MIB1: variants seen among roughly 807,000 people sequenced by gnomAD.
MIB1 encodes E3 ubiquitin-protein ligase MIB1.
In MIB1, 278 loss-of-function variants were observed where a neutral mutation model predicts 124.5. That is an observed-to-expected ratio of 2.23 (90% CI 2.02 to 2.47). The LOEUF is 2.47. Among genes scored for constraint, MIB1 ranks in the 30% most tolerant of loss-of-function variants. The pLI is 0.00. For missense variants in MIB1, 957 were observed against 1,254.4 expected (o/e 0.76, Z 3.58); for synonymous variants, 446 against 429.4 (o/e 1.04, Z -0.48).
At chr18:21,837,256 C>T (rs1006462564) in intron 12 of MIB1, among the ~76,000 whole-genome samples, 4 of 152,208 alleles carry the variant, frequency 2.6e-5, no homozygotes, top group Middle Eastern at 3.2e-3. Context: ...CGCCTGTAAT[C>T]CCAGCACTTT....
At chr18:21,764,243 T>A (rs975206561) in intron 1 of MIB1, among the ~76,000 whole-genome samples, 7 of 152,222 alleles carry the variant, frequency 4.6e-5, no homozygotes, top group African/African-American at 1.7e-4. Context: ...CCTCCTTCCT[T>A]CCTTGCTTCC....
At chr18:21,719,883 A>G (rs996424940) in intron 1 of MIB1, among the ~76,000 whole-genome samples, 1 of 152,146 alleles carries the variant, frequency 6.6e-6, no homozygotes, top group Non-Finnish European at 1.5e-5. Context: ...GTTGTCATTG[A>G]TAAAAGTTTC....
intron 1 of MIB1, among the ~76,000 whole-genome samples, chr18:21,707,108 G>A (rs183530491): frequency 4.3e-4 from 66 of 152,152 alleles, no homozygotes; most frequent in Non-Finnish European, 5.3e-4. Flanking sequence ...TAATCTGGTG[G>A]GGACTTGGAG....
At chr18:21,780,296 T>C (rs1384322945) in intron 6 of MIB1, among the ~76,000 whole-genome samples, 1 of 152,138 alleles carries the variant, frequency 6.6e-6, no homozygotes, top group Non-Finnish European at 1.5e-5. Context: ...TTGTTAACTA[T>C]AGTCGCCCAA....
At position 21,721,159 on chromosome 18, in the gene MIB1, GTTTTTTTTTTTTTTTTTTTT is replaced by G. The variant is rs34277676; in HGVS notation, n.167+16056_167+16075del. On this transcript the variant is annotated intron_variant and non_coding_transcript_variant, in intron 1 of 20. Coordinates refer to the MIB1 transcript ENST00000578646. ...TGAAAGATTTAAACATTTTAAAGAA[GTTTTTTTTTTTTTTTTTTTT>G]TTTTTTTTTTTTTTTTTTTGAGACA... is the stretch of plus-strand genomic sequence containing the variant. Among the ~76,000 whole-genome samples, 45 of 29,762 alleles carry G rather than the reference GTTTTTTTTTTTTTTTTTTTT, an allele frequency of 1.5e-3. 1 individual carries two copies. Among genetic ancestry groups the G allele is most frequent in the Admixed American group, 2.6e-3 (5 of 1,904 alleles). The allele number at this position is 29,762 out of a possible 152,430, so 19.5% of individuals were successfully genotyped here.
chr18:21,853,074 G>A (rs1359973305), intron 17 of MIB1, 66 bp from the exon 18 acceptor site: 1 of 1,037,796 alleles, frequency 9.6e-7, no homozygotes, highest in East Asian at 2.4e-5. Flanking sequence ...GGATATAATT[G>A]AACTTGTTAA....
intron 1 of MIB1, among the ~76,000 whole-genome samples, chr18:21,734,758 A>T (rs2040788570): frequency 6.6e-6 from 1 of 151,754 alleles, no homozygotes; most frequent in South Asian, 2.1e-4. Context: ...CGAACTCCTG[A>T]CCTCAAATGA....
intron 1 of MIB1, among the ~76,000 whole-genome samples, chr18:21,717,111 A>G (rs1417054099): frequency 6.6e-6 from 1 of 152,216 alleles, no homozygotes; most frequent in Non-Finnish European, 1.5e-5. Context: ...AAATACTTAC[A>G]GCCAACTGAT....
At chr18:21,779,011 A>G (rs1356907411) in intron 5 of MIB1, among the ~76,000 whole-genome samples, 1 of 152,176 alleles carries the variant, frequency 6.6e-6, no homozygotes, top group African/African-American at 2.4e-5. Flanking sequence ...AAGCTTTGAC[A>G]TATTTTAAAA....
chr18:21,712,406 G>A lies in MIB1; in HGVS notation n.167+7283G>A, dbSNP rs75374502. Among the ~76,000 whole-genome samples the A allele has an allele frequency of 4.2e-4, 64 of 152,220 alleles. No homozygotes were observed. The East Asian group carries it at 0.011, about 26-fold the overall frequency. ...TACGATAGAGATAGCAAAGGTAATG[G>A]GATGTCAACACTCCTGTGATTATAC... On this transcript the variant is annotated intron_variant and non_coding_transcript_variant, in intron 1 of 20. Transcript: ENST00000578646.
At chr18:21,835,833 A>ACACG (rs1247415272) in intron 12 of MIB1, among the ~76,000 whole-genome samples, 6 of 81,850 alleles carry the variant, frequency 7.3e-5, no homozygotes, top group African/African-American at 2.7e-4. Flanking sequence ...ACACACACAC[A>ACACG]CACACAAACA....
intron 1 of MIB1, among the ~76,000 whole-genome samples, chr18:21,708,022 C>G (rs2040647743): frequency 6.6e-6 from 1 of 152,164 alleles, no homozygotes; most frequent in South Asian, 2.1e-4. Flanking sequence ...GGCACCAATT[C>G]CATCATAGGG....
rs1332950872 is a variant in MIB1 at position 21,844,243 on chromosome 18, CCAAA to C, written c.2202_2205del (p.Lys735ThrfsTer3). 1.2e-6 allele frequency: 2 copies of C among 1,613,888 alleles called. No homozygotes were observed. Among genetic ancestry groups the C allele is most frequent in the Non-Finnish European group, 1.7e-6 (2 of 1,179,940 alleles). ...AAGGTGGATGCTGCCTGGGAGCCAT[CCAAA>C]AACACGGTGAGTAAAGATCATCTTT... On this transcript the variant is annotated frameshift_variant, in exon 15 of 21. Transcript: ENST00000261537. LOFTEE classifies it high-confidence loss of function.
intron 1 of MIB1, among the ~76,000 whole-genome samples, chr18:21,756,625 C>T (rs563562006): frequency 1.4e-4 from 22 of 152,054 alleles, no homozygotes; most frequent in Admixed American, 5.9e-4. Context: ...CCACCGTGGC[C>T]GGCAAATTTT....
chr18:21,783,032 G>C (rs1031146795), intron 6 of MIB1, among the ~76,000 whole-genome samples: 4 of 152,034 alleles, frequency 2.6e-5, no homozygotes, highest in African/African-American at 9.7e-5. Flanking sequence ...ACTTTTGTCT[G>C]TTTTTACAGT....
intron 11 of MIB1, chr18:21,817,577 G>A (rs758732055): frequency 1.6e-5 from 5 of 311,532 alleles, no homozygotes; most frequent in Non-Finnish European, 3.2e-5. Context: ...TAAATGAATG[G>A]GTGTGGCTGT....
intron 1 of MIB1, among the ~76,000 whole-genome samples, chr18:21,714,644 G>A (rs1208606203): frequency 6.6e-5 from 10 of 152,076 alleles, no homozygotes; most frequent in Admixed American, 5.9e-4. Context: ...AAAGGGAGTT[G>A]GAAATGACAC....
chr18:21,713,138 G>A (rs1392740296), intron 1 of MIB1, among the ~76,000 whole-genome samples: 1 of 151,520 alleles, frequency 6.6e-6, no homozygotes, highest in Non-Finnish European at 1.5e-5. Context: ...TTTTATTTTT[G>A]TTTTTGTTTT....
At chr18:21,800,200 T>TG (rs2041635428) in intron 9 of MIB1, among the ~76,000 whole-genome samples, 1 of 152,110 alleles carries the variant, frequency 6.6e-6, no homozygotes, top group Non-Finnish European at 1.5e-5. Flanking sequence ...ATTTACACAC[T>TG]TACATTTTGG....
Sources: gnomAD v4.1 joint callset for allele counts (sites outside exome capture counted in the v4.1 genomes callset) on GRCh38, gnomAD v4.1.1 for gene constraint, MANE v1.5 for transcripts, NCBI Gene and HGNC (gene_info 2026-07-23, HGNC 2026-07-21) for gene names.